DLG2: variants seen among roughly 807,000 people sequenced by gnomAD.
DLG2 encodes discs large MAGUK scaffold protein 2, also known as disks large homolog 2.
In DLG2, 45 loss-of-function variants were observed where a neutral mutation model predicts 132.5. The ratio of observed to expected loss-of-function variants is 0.34; its 90% CI spans 0.27 to 0.44. DLG2 has a LOEUF of 0.44. Ranked by LOEUF, DLG2 falls within the 20% of genes least tolerant of loss-of-function variation. The pLI, the probability that DLG2 is intolerant of heterozygous loss-of-function variation, is 1.00. For synonymous variants in DLG2, 424 were observed against 419.6 expected, an observed-to-expected ratio of 1.01 and a Z score of -0.13; for missense variants, 1,045 against 1,196.9, an observed-to-expected ratio of 0.87 and a Z score of 1.87.
intron 3 of DLG2, among the ~76,000 whole-genome samples, chr11:85,293,202 C>T (rs1445172377): frequency 1.3e-5 from 2 of 152,016 alleles, no homozygotes; most frequent in Non-Finnish European, 2.9e-5. Context: ...AGGGATTCTG[C>T]AACTAGTGGT....
At chr11:85,004,073 C>T (rs918134546) in intron 6 of DLG2, among the ~76,000 whole-genome samples, 2 of 152,182 alleles carry the variant, frequency 1.3e-5, no homozygotes, top group African/African-American at 4.8e-5. Context: ...TGGCTGCATA[C>T]TATTCCATGG....
chr11:83,761,098 A>G (rs977787335), intron 18 of DLG2, among the ~76,000 whole-genome samples: 1 of 152,180 alleles, frequency 6.6e-6, no homozygotes, highest in African/African-American at 2.4e-5. Context: ...GCTGATAAGC[A>G]TGGAGCACAT....
At chr11:83,800,679 A>G (rs1025592056) in intron 17 of DLG2, among the ~76,000 whole-genome samples, 4 of 152,002 alleles carry the variant, frequency 2.6e-5, no homozygotes, top group Non-Finnish European at 4.4e-5. Flanking sequence ...AAAAAATTAG[A>G]CCTTTAAAAA....
intron 7 of DLG2, among the ~76,000 whole-genome samples, chr11:84,470,148 T>C (rs940100129): frequency 2.0e-5 from 3 of 151,724 alleles, no homozygotes; most frequent in African/African-American, 4.8e-5. Flanking sequence ...TTGACTGAAA[T>C]GTTGTTATGT....
At chr11:84,924,196 C>G (rs558912640) in intron 6 of DLG2, among the ~76,000 whole-genome samples, 2 of 152,212 alleles carry the variant, frequency 1.3e-5, no homozygotes, top group East Asian at 3.9e-4. Flanking sequence ...TTTACTTAAT[C>G]AAAAGGACAA....
At chr11:84,713,873 A>AG (rs1320563461) in intron 6 of DLG2, among the ~76,000 whole-genome samples, 1 of 152,086 alleles carries the variant, frequency 6.6e-6, no homozygotes, top group Non-Finnish European at 1.5e-5. Flanking sequence ...AGAAAATTTA[A>AG]GGGGAAAAAA....
chr11:85,523,194 CT>C (rs900876041), intron 3 of DLG2, among the ~76,000 whole-genome samples: 1 of 152,130 alleles, frequency 6.6e-6, no homozygotes, highest in Non-Finnish European at 1.5e-5. Flanking sequence ...TTGTGAGGGG[CT>C]TTTTCCCACT....
At chr11:83,956,801 G>C (rs960812830) in intron 14 of DLG2, among the ~76,000 whole-genome samples, 1 of 152,204 alleles carries the variant, frequency 6.6e-6, no homozygotes, top group African/African-American at 2.4e-5. Flanking sequence ...GATCCTTCGA[G>C]AGCTTGTTCC....
intron 3 of DLG2, among the ~76,000 whole-genome samples, chr11:85,296,467 C>CTTTTTTTTTTTTTTTTTTTTTTATTTTT (rs66526147): frequency 8.2e-6 from 1 of 121,554 alleles, no homozygotes; most frequent in Non-Finnish European, 1.7e-5. Flanking sequence ...TTTCGATTTT[C>CTTTTTTTTTTTTTTTTTTTTTTATTTTT]TTTTTTTTTT....
At chr11:85,185,776 C>T (rs2080049285) in intron 4 of DLG2, among the ~76,000 whole-genome samples, 1 of 151,818 alleles carries the variant, frequency 6.6e-6, no homozygotes, top group Admixed American at 6.6e-5. Flanking sequence ...ATCATTATCA[C>T]ATATATTACA....
intron 3 of DLG2, among the ~76,000 whole-genome samples, chr11:85,406,148 A>T (rs2088708779): frequency 6.6e-6 from 1 of 151,910 alleles, no homozygotes; most frequent in African/African-American, 2.4e-5. Flanking sequence ...GATATCAAAC[A>T]TTGGACTCTG....
rs1329370781 is a variant in DLG2 at position 84,898,698 on chromosome 11, AACTACATGGCAT to A, written c.357+212951_357+212962del. 2.0e-5 allele frequency among the ~76,000 whole-genome samples: 3 copies of A among 151,920 alleles called. No individual in the cohort carries two copies. The East Asian group carries it at 5.8e-4, about 29-fold the overall frequency. On this transcript the variant is annotated intron_variant, in intron 6 of 27. Coordinates refer to ENST00000376104, the MANE Select transcript of DLG2 (RefSeq NM_001142699.3). ...ATCCTCTCTCCCCTCCACTGTTCTAAACTACATGGCATACCCTCTTCCTAGAATGCTTTTTCT... is the reference window on the plus strand; with the variant it reads ...ATCCTCTCTCCCCTCCACTGTTCTAAACCCTCTTCCTAGAATGCTTTTTCT...
intron 8 of DLG2, among the ~76,000 whole-genome samples, chr11:84,174,528 C>T (rs567040943): frequency 2.6e-5 from 4 of 152,120 alleles, no homozygotes; most frequent in Admixed American, 1.3e-4. Flanking sequence ...ATGCCACATA[C>T]GCTGCCTTAA....
At chr11:85,039,871 G>T (rs981698036) in intron 6 of DLG2, among the ~76,000 whole-genome samples, 1 of 151,866 alleles carries the variant, frequency 6.6e-6, no homozygotes, top group Non-Finnish European at 1.5e-5. Context: ...TTGGTTGAAT[G>T]AATGAATTTC....
rs574720831 is a variant in DLG2, at chr11:83,888,266, A to G, written c.1497-13778T>C. On this transcript the variant is annotated intron_variant, in intron 15 of 27. Coordinates refer to ENST00000376104, the MANE Select transcript of DLG2 (RefSeq NM_001142699.3). ...CTTCAGCAAAGTCTCAGGATACATT[A>G]TCAATGTACAAAAATCACAAGCATT... 2.1e-3 allele frequency among the ~76,000 whole-genome samples: 316 copies of G among 152,362 alleles called. 2 individuals carry two copies. The highest frequency in any genetic ancestry group is 7.3e-3 in the African/African-American group (302 of 41,582).
At chr11:84,525,812 T>C (rs1456246307) in intron 7 of DLG2, among the ~76,000 whole-genome samples, 1 of 152,200 alleles carries the variant, frequency 6.6e-6, no homozygotes, top group Non-Finnish European at 1.5e-5. Flanking sequence ...CCCCTTTCCT[T>C]AATTCTTACA....
At chr11:84,113,327 C>T (rs1267581718) in intron 9 of DLG2, among the ~76,000 whole-genome samples, 1 of 152,100 alleles carries the variant, frequency 6.6e-6, no homozygotes, top group Admixed American at 6.6e-5. Context: ...AATAAAAATA[C>T]TGTGCAATTA....
intron 4 of DLG2, among the ~76,000 whole-genome samples, chr11:85,237,423 G>C (rs966073412): frequency 1.3e-5 from 2 of 152,068 alleles, no homozygotes; most frequent in East Asian, 3.9e-4. Flanking sequence ...TATTCATATA[G>C]GGTCTGTGAA....
At position 85,560,208 on chromosome 11, in the gene DLG2, C is replaced by G. The variant is rs12278337; in HGVS notation, c.40+38449G>C. Among the ~76,000 whole-genome samples the G allele has an allele frequency of 2.2e-3, 340 of 151,866 alleles. 3 individuals are homozygous for G. The highest frequency in any genetic ancestry group is 7.9e-3 in the African/African-American group (327 of 41,524). On this transcript the variant is annotated intron_variant, in intron 3 of 27. Transcript: ENST00000376104. ...AAAAGTTAAACATAAACTTACCATACAACCTAGAAATTTCCCATCTAGGAA... is the reference window on the plus strand; with the variant it reads ...AAAAGTTAAACATAAACTTACCATAGAACCTAGAAATTTCCCATCTAGGAA...
Sources: gnomAD v4.1 joint callset for allele counts (sites outside exome capture counted in the v4.1 genomes callset) on GRCh38, gnomAD v4.1.1 for gene constraint, MANE v1.5 for transcripts, NCBI Gene and HGNC (gene_info 2026-07-23, HGNC 2026-07-21) for gene names.